FRYL: variants seen among roughly 807,000 people sequenced by gnomAD.
The protein encoded by FRYL is FRY like transcription coactivator.
FRYL carries 150 observed loss-of-function variants against 351.2 expected under a neutral mutation model. The observed-to-expected ratio is 0.43, with a 90% CI of 0.37 to 0.49. The LOEUF is 0.49. FRYL is among the 20% of genes least tolerant of loss of function. FRYL has a pLI of 0.00. For missense variants in FRYL, 3,036 were observed against 3,619.3 expected (o/e 0.84, Z 4.13); for synonymous variants, 1,153 against 1,257.1 (o/e 0.92, Z 1.75).
chr4:48,558,726 G>A (rs1008852725), intron 33 of FRYL, among the ~76,000 whole-genome samples: 5 of 152,192 alleles, frequency 3.3e-5, no homozygotes, highest in African/African-American at 9.7e-5. Flanking sequence ...TGATGTGCCT[G>A]TTACTTTTAC....
chr4:48,513,737 C>T (rs1722963722), intron 56 of FRYL, among the ~76,000 whole-genome samples: 1 of 152,100 alleles, frequency 6.6e-6, no homozygotes, highest in Non-Finnish European at 1.5e-5. Flanking sequence ...ACAAATGAGA[C>T]CTCAAAAAGG....
chr4:48,712,630 T>G (rs1356595916), intron 1 of FRYL, among the ~76,000 whole-genome samples: 1 of 152,178 alleles, frequency 6.6e-6, no homozygotes, highest in African/African-American at 2.4e-5. Context: ...TGGAATCAAG[T>G]TGGAAAACAC....
chr4:48,553,371 T>G lies in FRYL; in HGVS notation c.4279A>C (p.Ile1427Leu), dbSNP rs749371126. ...PSLLPYVKKV[I>L]VYLGRDKTMQ... is the part of the protein sequence containing the mutation. ...GTTTTATCTCTACCTAAATATACAA[T>G]GACCTTCTTCACCTGTCACAAAAGA... The change falls in exon 36 of 64, where the codon ATT (isoleucine) becomes CTT (leucine). Residue 1427 changes from isoleucine to leucine, a missense_variant. Transcript: ENST00000358350. 13 of 1,609,382 alleles carry G rather than the reference T, an allele frequency of 8.1e-6. No homozygotes were observed. The highest frequency in any genetic ancestry group is 1.1e-5 in the Non-Finnish European group (13 of 1,178,482).
intron 31 of FRYL, 64 bp downstream of exon 31, chr4:48,563,884 A>C: frequency 6.5e-7 from 1 of 1,546,726 alleles, no homozygotes; most frequent in Admixed American, 2.0e-5. Flanking sequence ...TTTTGAATTC[A>C]AAAGAAAAAC....
chr4:48,527,907 G>C, intron 52 of FRYL, 64 bp downstream of exon 52: 3 of 1,290,636 alleles, frequency 2.3e-6, no homozygotes, highest in African/African-American at 1.5e-5. Context: ...CAAGGAGACA[G>C]ATCATTTCTT....
chr4:48,602,006 T>C lies in FRYL; in HGVS notation c.1035+14A>G, dbSNP rs1745816143. On this transcript the variant is annotated intron_variant, in intron 13 of 63. Transcript: ENST00000358350. The stretch of plus-strand genomic sequence containing the variant: ...AGTCAGTATTTACATATCAGAAGTG[T>C]GATTACATCTTACCTTTAAATGTGA... 5.8e-6 allele frequency: 8 copies of C among 1,375,328 alleles called. No individual in the cohort carries two copies. The highest frequency in any genetic ancestry group is 1.4e-5 in the African/African-American group (1 of 69,906). The allele number at this position is 1,375,328 out of a possible 1,614,324, so 85.2% of individuals were successfully genotyped here.
rs77168578 is a variant in FRYL, at chr4:48,505,602, C to T, written c.8408G>A (p.Cys2803Tyr). 2 of 1,605,968 alleles carry T rather than the reference C, an allele frequency of 1.2e-6. No homozygotes were observed. The highest frequency in any genetic ancestry group is 1.1e-5 in the South Asian group (1 of 90,430). The change falls in exon 60 of 64, where the codon TGT becomes TAT. Residue 2803 changes from cysteine (C) to tyrosine (Y), a missense_variant. Coordinates refer to ENST00000358350, the MANE Select transcript of FRYL (RefSeq NM_015030.2). ...TTCTTTGGCACCAAATGTCCTCTTA[C>T]AATCATCTAGCCACTAAAAATAAGT... ...REAAEQWLDD[C>Y]KRTFGAKEDM...
intron 55 of FRYL, among the ~76,000 whole-genome samples, chr4:48,520,251 T>A (rs1724621853): frequency 6.6e-6 from 1 of 152,218 alleles, no homozygotes; most frequent in African/African-American, 2.4e-5. Context: ...GAAGCCAAAG[T>A]GCCTTCATTT....
chr4:48,589,080 A>C (rs1436407583), intron 18 of FRYL, among the ~76,000 whole-genome samples: 1 of 152,188 alleles, frequency 6.6e-6, no homozygotes, highest in African/African-American at 2.4e-5. Flanking sequence ...TTAAATACCA[A>C]ATTTGGTATT....
rs77309707 is a variant in FRYL at position 48,703,099 on chromosome 4, C to T, written c.-204+7420G>A. Among the ~76,000 whole-genome samples the T allele has an allele frequency of 9.7e-3, 1,481 of 152,216 alleles. 14 individuals are homozygous for T. Among genetic ancestry groups the T allele is most frequent in the East Asian group, 0.063 (327 of 5,172 alleles). ...AACCTAAAGAAAATGATAAAAGCTT[C>T]AATACCAGATGGGATCTCATTCTTC... On this transcript the variant is annotated intron_variant, in intron 2 of 63. Coordinates refer to ENST00000358350, the MANE Select transcript of FRYL (RefSeq NM_015030.2).
At chr4:48,744,500 G>C (rs1311230069) in intron 1 of FRYL, among the ~76,000 whole-genome samples, 1 of 152,186 alleles carries the variant, frequency 6.6e-6, no homozygotes, top group African/African-American at 2.4e-5. Context: ...AGAAATGTTA[G>C]AGAATGGAAT....
At chr4:48,584,254 G>A (rs377585533) in intron 19 of FRYL, among the ~76,000 whole-genome samples, 3 of 152,176 alleles carry the variant, frequency 2.0e-5, no homozygotes, top group Non-Finnish European at 2.9e-5. Context: ...AGGTAAGTAC[G>A]TAATATTAAA....
In FRYL at chr4:48,668,013, C is replaced by A. The variant is rs142356517; in HGVS notation, c.-81+16660G>T. On this transcript the variant is annotated intron_variant, in intron 3 of 63. Transcript: ENST00000358350. Reference sequence around the variant, plus strand: ...GTAGCTCTCTGATGTTACCAATATTCTTTTCTGTGGTCTAGCTTAGGGGTT... The same window carrying A: ...GTAGCTCTCTGATGTTACCAATATTATTTTCTGTGGTCTAGCTTAGGGGTT... Among the ~76,000 whole-genome samples, 58 of 152,260 alleles carry A rather than the reference C, an allele frequency of 3.8e-4. No individual in the cohort carries two copies. The East Asian group carries it at 0.011, about 28-fold the overall frequency.
chr4:48,537,612 T>C (rs758213127), intron 47 of FRYL, among the ~76,000 whole-genome samples: 4 of 152,178 alleles, frequency 2.6e-5, no homozygotes, highest in Non-Finnish European at 4.4e-5. Context: ...GCTAAAAGCA[T>C]ACGGAGAGGG....
intron 5 of FRYL, among the ~76,000 whole-genome samples, chr4:48,621,989 C>T (rs1750736874): frequency 6.6e-6 from 1 of 152,128 alleles, no homozygotes. Context: ...TGAACACTAT[C>T]ACTCAGAAGA....
In FRYL at chr4:48,652,183, G is replaced by A. The variant is rs149748620; in HGVS notation, c.-80-17693C>T. 1.3e-3 allele frequency among the ~76,000 whole-genome samples: 194 copies of A among 152,292 alleles called. 1 individual carries two copies. The highest frequency in any genetic ancestry group is 4.3e-3 in the African/African-American group (178 of 41,556). The stretch of plus-strand genomic sequence containing the variant: ...GAAATATTTAAATGGCCATAAAACA[G>A]GATAACCACATAGTTCACAAGTACC... On this transcript the variant is annotated intron_variant, in intron 3 of 63. Transcript: ENST00000358350.
At chr4:48,649,097 A>G (rs1757126500) in intron 3 of FRYL, among the ~76,000 whole-genome samples, 1 of 152,218 alleles carries the variant, frequency 6.6e-6, no homozygotes, top group Non-Finnish European at 1.5e-5. Context: ...GTGTGCAAAG[A>G]CATACGATAG....
At chr4:48,542,413 T>TTTTG (rs1007333081) in intron 44 of FRYL, among the ~76,000 whole-genome samples, 2 of 152,180 alleles carry the variant, frequency 1.3e-5, no homozygotes, top group Non-Finnish European at 2.9e-5. Flanking sequence ...AAAATATTAC[T>TTTTG]TTTGTTTGTT....
At chr4:48,658,747 CATAAATAAATAA>C (rs10555415) in intron 3 of FRYL, among the ~76,000 whole-genome samples, 7 of 146,506 alleles carry the variant, frequency 4.8e-5, no homozygotes, top group Admixed American at 6.8e-5. Context: ...GTGAGACCTT[CATAAATAAATAA>C]ATAAATAAAT....
Sources: allele counts gnomAD v4.1 joint callset (sites outside exome capture counted in the v4.1 genomes callset), GRCh38; gene constraint gnomAD v4.1.1; transcripts MANE v1.5; gene names NCBI Gene and HGNC (gene_info 2026-07-23, HGNC 2026-07-21).